Variants in OPCML observed in about 807,000 individuals in gnomAD.
The protein encoded by OPCML is opioid binding protein/cell adhesion molecule like.
A neutral mutation model predicts 37.8 loss-of-function variants in OPCML; 13 were observed. The ratio of observed to expected loss-of-function variants is 0.34; its 90% confidence interval spans 0.22 to 0.55. OPCML has a LOEUF of 0.55. OPCML is among the 20% of genes least tolerant of loss of function. OPCML has a pLI of 0.91. For synonymous variants in OPCML, 176 were observed against 168.8 expected (o/e 1.04, Z -0.33); for missense variants, 341 against 435.6 (o/e 0.78, Z 1.93).
At chr11:132,795,606 T>C (rs1938259632) in intron 2 of OPCML, among the ~76,000 whole-genome samples, 1 of 152,242 alleles carries the variant, frequency 6.6e-6, no homozygotes, top group African/African-American at 2.4e-5. Flanking sequence ...ATGTATCTAC[T>C]GTCTGTGTCT....
intron 2 of OPCML, among the ~76,000 whole-genome samples, chr11:132,914,023 A>T (rs1944519152): frequency 2.0e-5 from 3 of 152,188 alleles, no homozygotes; most frequent in African/African-American, 7.2e-5. Flanking sequence ...GTGAAGGACA[A>T]CTTGATTGTC....
In OPCML at chr11:132,689,834, A is replaced by T. The variant is rs544993107; in HGVS notation, c.147-32515T>A. On this transcript the variant is annotated intron_variant, in intron 2 of 7. Transcript: ENST00000524381. ...AAGAATGGGGCAGATGCATTTTGCC[A>T]CATGAAATATACCTTTATACCTTCT... 5.3e-5 allele frequency among the ~76,000 whole-genome samples: 8 copies of T among 152,372 alleles called. No individual in the cohort carries two copies. The South Asian group carries it at 1.4e-3, about 28-fold the overall frequency.
At chr11:132,550,303 G>GT (rs1408217895) in intron 3 of OPCML, among the ~76,000 whole-genome samples, 1 of 152,182 alleles carries the variant, frequency 6.6e-6, no homozygotes, top group East Asian at 1.9e-4. Context: ...CTGGTGGGCG[G>GT]TGACTGGATC....
intron 2 of OPCML, among the ~76,000 whole-genome samples, chr11:132,804,187 G>C (rs1035764689): frequency 1.3e-5 from 2 of 152,044 alleles, no homozygotes. Context: ...CCACATTGCA[G>C]GAAGTCAGAG....
intron 3 of OPCML, among the ~76,000 whole-genome samples, chr11:132,652,047 T>C (rs990567872): frequency 1.3e-5 from 2 of 152,092 alleles, no homozygotes; most frequent in African/African-American, 2.4e-5. Context: ...CACACATAGA[T>C]CTCTGCATTC....
chr11:132,682,232 T>C (rs1262496574), intron 2 of OPCML, among the ~76,000 whole-genome samples: 1 of 152,188 alleles, frequency 6.6e-6, no homozygotes, highest in African/African-American at 2.4e-5. Context: ...ACCCTCGTCA[T>C]GAGGCCTGGG....
chr11:132,538,635 AGGAGAGAC>A (rs1458634120), intron 3 of OPCML, among the ~76,000 whole-genome samples: 1 of 152,210 alleles, frequency 6.6e-6, no homozygotes, highest in East Asian at 1.9e-4. Context: ...TTGTATTACA[AGGAGAGAC>A]GACACCCCAA....
intron 4 of OPCML, among the ~76,000 whole-genome samples, chr11:132,493,985 A>G (rs898253254): frequency 1.3e-5 from 2 of 152,204 alleles, no homozygotes; most frequent in South Asian, 2.1e-4. Flanking sequence ...CCTAAGAGCC[A>G]TGTCCCAGCT....
chr11:132,905,307 C>T (rs1213407180), intron 2 of OPCML, among the ~76,000 whole-genome samples: 21 of 145,752 alleles, frequency 1.4e-4, no homozygotes. Flanking sequence ...TCTTGGCTCA[C>T]TGCAATCTCC....
chr11:132,932,366 A>C (rs1036747997), intron 2 of OPCML, among the ~76,000 whole-genome samples: 1 of 152,166 alleles, frequency 6.6e-6, no homozygotes, highest in Non-Finnish European at 1.5e-5. Context: ...TGGGGTAACA[A>C]AAATGTTTTG....
At chr11:133,245,662 T>C (rs1395389618) in intron 1 of OPCML, among the ~76,000 whole-genome samples, 1 of 152,208 alleles carries the variant, frequency 6.6e-6, no homozygotes, top group Non-Finnish European at 1.5e-5. Context: ...AACTTCAGTA[T>C]GTTTTAAAGT....
chr11:133,046,987 T>A (rs1289302881), intron 1 of OPCML, among the ~76,000 whole-genome samples: 3 of 152,102 alleles, frequency 2.0e-5, no homozygotes, highest in Non-Finnish European at 4.4e-5. Flanking sequence ...AGTGCCCTGC[T>A]GGGAATGGAG....
chr11:133,273,727 G>A (rs1335031355), intron 1 of OPCML, among the ~76,000 whole-genome samples: 2 of 152,104 alleles, frequency 1.3e-5, no homozygotes, highest in Admixed American at 1.3e-4. Context: ...TTCCTAAAAT[G>A]GGGGCCACTT....
intron 1 of OPCML, among the ~76,000 whole-genome samples, chr11:133,287,526 A>G (rs536169321): frequency 7.2e-6 from 1 of 139,338 alleles, no homozygotes; most frequent in South Asian, 2.4e-4. Context: ...GATTTCTTTC[A>G]TGGGAATGTT....
intron 2 of OPCML, among the ~76,000 whole-genome samples, chr11:132,897,767 G>A (rs1943903819): frequency 6.6e-6 from 1 of 152,218 alleles, no homozygotes; most frequent in African/African-American, 2.4e-5. Flanking sequence ...ATGGCCAGAT[G>A]TGTGATTAGG....
At chr11:132,553,760 A>G (rs1565659662) in intron 3 of OPCML, among the ~76,000 whole-genome samples, 2 of 152,210 alleles carry the variant, frequency 1.3e-5, no homozygotes, top group Admixed American at 1.3e-4. Flanking sequence ...ATAATGCGGA[A>G]TGAATAATGC....
rs1281787111 is a variant in OPCML, at chr11:133,206,210, C to T, written c.62-263200G>A. Among the ~76,000 whole-genome samples the T allele has an allele frequency of 6.6e-6, 1 of 152,174 alleles. No homozygotes were observed. Among genetic ancestry groups the T allele is most frequent in the Non-Finnish European group, 1.5e-5 (1 of 68,032 alleles). On this transcript the variant is annotated intron_variant, in intron 1 of 7. Transcript: ENST00000524381. The surrounding 1 kb of genome is among the most constrained non-coding windows in gnomAD (Gnocchi z 4.7). ...CATGGTGCCTAAAACGTCATCAATG[C>T]TCAATGAATGCGAGCAGTACATTAA...
chr11:132,872,890 AATACTTCTC>A (rs1016178787), intron 2 of OPCML, among the ~76,000 whole-genome samples: 1 of 151,938 alleles, frequency 6.6e-6, no homozygotes, highest in African/African-American at 2.4e-5. Context: ...ATGTAAAATG[AATACTTCTC>A]TGTTTCAAGA....
At chr11:133,525,357 G>A (rs1948469125) in intron 1 of OPCML, among the ~76,000 whole-genome samples, 1 of 152,216 alleles carries the variant, frequency 6.6e-6, no homozygotes, top group African/African-American at 2.4e-5. Context: ...AACAGGCCTT[G>A]TCTACGGAAC....
Sources: allele counts gnomAD v4.1 joint callset (sites outside exome capture counted in the v4.1 genomes callset), GRCh38; gene constraint gnomAD v4.1.1; non-coding constraint Gnocchi (gnomAD v3.1); transcripts MANE v1.5; gene names NCBI Gene and HGNC (gene_info 2026-07-23, HGNC 2026-07-21).